Variants in SS18L1 observed in about 807,000 individuals in gnomAD.
SS18L1 encodes the protein SS18L1 subunit of BAF chromatin remodeling complex, also known as calcium-responsive transactivator.
SS18L1 carries 32 observed loss-of-function variants against 70.3 expected under a neutral mutation model. The observed-to-expected ratio is 0.46, with a 90% confidence interval of 0.34 to 0.61. SS18L1 has a LOEUF of 0.61. Among genes scored for constraint, SS18L1 ranks in the 20% least tolerant of loss-of-function variants. The probability of loss-of-function intolerance (pLI) is 0.01; values close to 1 mark genes in which losing one functional copy is unlikely to be tolerated. For synonymous variants in SS18L1, 237 were observed against 229.7 expected (o/e 1.03, Z -0.29); for missense variants, 430 against 542.1 (o/e 0.79, Z 2.05).
Position 62,172,796 on chromosome 20 carries a change from G to A in SS18L1, c.1031G>A (p.Gly344Asp). The change falls in exon 9 of 11, where the codon GGC becomes GAC. Residue 344 changes from glycine to aspartate, a missense_variant. Physicochemically the swap from Gly to Asp is moderately conservative, Grantham distance 94 (BLOSUM62 -1). Coordinates refer to ENST00000331758, the MANE Select transcript of SS18L1 (RefSeq NM_198935.3). ...SQQSYPGQQQ[G>D]YGSAQGAPSQ... ...CAGAGCTACCCCGGGCAGCAGCAGG[G>A]CTACGGTAAGAGGCGAGCACGGTCC... 1.2e-6 allele frequency: 2 copies of A among 1,612,978 alleles called. No individual in the cohort carries two copies. The highest frequency in any genetic ancestry group is 1.7e-6 in the Non-Finnish European group (2 of 1,179,608).
At chr20:62,144,754 G>T (rs564291757) in intron 1 of SS18L1, among the ~76,000 whole-genome samples, 1 of 152,350 alleles carries the variant, frequency 6.6e-6, no homozygotes, top group Non-Finnish European at 1.5e-5. Flanking sequence ...TGTTTTTTCT[G>T]TAGAAGACAG....
In SS18L1 at chr20:62,167,131, C is replaced by T. The variant is rs541888571; in HGVS notation, c.916+1617C>T. On this transcript the variant is annotated intron_variant, in intron 8 of 10. Transcript: ENST00000331758. ...TATGATCTTGGCTCACTGCCACCTCCGCCTCCCAGGTTCAAGCAATTCTCC... is the reference window on the plus strand; with the variant it reads ...TATGATCTTGGCTCACTGCCACCTCTGCCTCCCAGGTTCAAGCAATTCTCC... Among the ~76,000 whole-genome samples the T allele has an allele frequency of 1.1e-4, 16 of 145,360 alleles. 1 individual carries two copies. Among genetic ancestry groups the T allele is most frequent in the East Asian group, 6.6e-4 (3 of 4,532 alleles).
At position 62,179,404 on chromosome 20, in the gene SS18L1, G is replaced by A; in HGVS notation, c.*196G>A. The A allele has an allele frequency of 1.6e-6, 1 of 631,656 alleles. No individual in the cohort carries two copies. The highest frequency in any genetic ancestry group is 1.9e-5 in the South Asian group (1 of 53,286). 39.1% of individuals were successfully genotyped at this position (631,656 alleles called of 1,614,324 possible). On this transcript the variant is annotated 3_prime_UTR_variant, in exon 11 of 11. Coordinates refer to ENST00000331758, the MANE Select transcript of SS18L1 (RefSeq NM_198935.3). Reference sequence around the variant, plus strand: ...CTGGCGTGAGACAGCGCTTGGTGGTGTGATACTTTTGGTGCTGTGTATAGT... The same window carrying A: ...CTGGCGTGAGACAGCGCTTGGTGGTATGATACTTTTGGTGCTGTGTATAGT...
chr20:62,177,488 T>C (rs1462808924), intron 10 of SS18L1, among the ~76,000 whole-genome samples: 3 of 151,760 alleles, frequency 2.0e-5, no homozygotes, highest in Non-Finnish European at 4.4e-5. Flanking sequence ...TCGGTCAGGC[T>C]GGAACAGCTT....
intron 1 of SS18L1, among the ~76,000 whole-genome samples, chr20:62,147,513 T>C (rs1265010353): frequency 6.6e-6 from 1 of 152,222 alleles, no homozygotes; most frequent in Non-Finnish European, 1.5e-5. Context: ...GCCTCTTTGC[T>C]GCTTGGCATG....
At chr20:62,173,646 C>T (rs765771551) in intron 9 of SS18L1, among the ~76,000 whole-genome samples, 6 of 150,848 alleles carry the variant, frequency 4.0e-5, no homozygotes, top group Admixed American at 2.0e-4. Flanking sequence ...AGGTAGAGGT[C>T]GCAGTGAGCC....
At chr20:62,154,384 T>C in intron 1 of SS18L1, 3 of 1,049,684 alleles carry the variant, frequency 2.9e-6, no homozygotes, top group Non-Finnish European at 3.5e-6. Context: ...CCTTCACGCC[T>C]GGTTGCGGTT....
In SS18L1 at chr20:62,146,375, T is replaced by C. The variant is rs184579812; in HGVS notation, c.69+2486T>C. ...TCATCTGTGACGCTGGTCCCATCAG[T>C]GGAAGCGTTTTGAGATAAGCAGATG... On this transcript the variant is annotated intron_variant, in intron 1 of 10. Coordinates refer to ENST00000331758, the MANE Select transcript of SS18L1 (RefSeq NM_198935.3). Among the ~76,000 whole-genome samples, 552 of 152,304 alleles carry C rather than the reference T, an allele frequency of 3.6e-3. 6 individuals carry two copies. The highest frequency in any genetic ancestry group is 0.013 in the African/African-American group (526 of 41,554).
intron 8 of SS18L1, among the ~76,000 whole-genome samples, chr20:62,172,374 A>G (rs950550922): frequency 6.6e-6 from 1 of 151,950 alleles, no homozygotes; most frequent in African/African-American, 2.4e-5. Context: ...ATGTCCAAAT[A>G]AGGTTCCATT....
chr20:62,167,180 G>A (rs1200276347), intron 8 of SS18L1, among the ~76,000 whole-genome samples: 3 of 149,546 alleles, frequency 2.0e-5, no homozygotes, highest in South Asian at 2.1e-4. Context: ...TGAGTAGCTC[G>A]GATTACAGGC....
In SS18L1 at chr20:62,174,457, GAAAA is replaced by G. The variant is rs1185244051; in HGVS notation, c.1037-54_1037-51del. On this transcript the variant is annotated intron_variant, in intron 9 of 10. Coordinates refer to ENST00000331758, the MANE Select transcript of SS18L1 (RefSeq NM_198935.3). The surrounding 1 kb of genome is among the most constrained non-coding windows in gnomAD (Gnocchi z 4.1). ...GTTTTAAAAAAAATTTTTAAGTTAA[GAAAA>G]AAAAAGAAAGAGGTGTCCGTTTTGG... 56 of 1,532,582 alleles carry G rather than the reference GAAAA, an allele frequency of 3.7e-5. No homozygotes were observed. Among genetic ancestry groups the G allele is most frequent in the Admixed American group, 2.2e-4 (10 of 45,306 alleles). The allele number at this position is 1,532,582 out of a possible 1,614,324, so 94.9% of individuals were successfully genotyped here.
intron 1 of SS18L1, among the ~76,000 whole-genome samples, chr20:62,155,550 C>A (rs1003824245): frequency 6.6e-6 from 1 of 152,210 alleles, no homozygotes; most frequent in African/African-American, 2.4e-5. Flanking sequence ...GGATTGGAGG[C>A]CGGGGCACTG....
intron 1 of SS18L1, among the ~76,000 whole-genome samples, chr20:62,154,833 GC>G (rs1176892889): frequency 6.6e-6 from 1 of 152,172 alleles, no homozygotes; most frequent in African/African-American, 2.4e-5. Flanking sequence ...TGTCTCTGGG[GC>G]TCCTGGAGGG....
chr20:62,158,600 A>G lies in SS18L1; in HGVS notation c.70-72A>G. ...CAACCTATATGAAAACTAGATGTGT[A>G]GCGATGGCTGTTCATCCCGAGGGTC... On this transcript the variant is annotated intron_variant, in intron 1 of 10. Coordinates refer to ENST00000331758, the MANE Select transcript of SS18L1 (RefSeq NM_198935.3). The surrounding 1 kb of genome is among the most constrained non-coding windows in gnomAD (Gnocchi z 4.5). The G allele has an allele frequency of 7.6e-6, 12 of 1,572,532 alleles. No individual in the cohort carries two copies. The highest frequency in any genetic ancestry group is 1.0e-5 in the Non-Finnish European group (12 of 1,162,488).
intron 7 of SS18L1, among the ~76,000 whole-genome samples, chr20:62,165,071 C>T (rs1601030046): frequency 6.6e-6 from 1 of 152,172 alleles, no homozygotes; most frequent in Non-Finnish European, 1.5e-5. Flanking sequence ...GCGAAGGCCT[C>T]GGTAAGGGTT....
At chr20:62,147,420 G>A (rs1423782596) in intron 1 of SS18L1, among the ~76,000 whole-genome samples, 5 of 152,182 alleles carry the variant, frequency 3.3e-5, no homozygotes, top group African/African-American at 9.6e-5. Context: ...TGTCCAGTGC[G>A]TGCTCCTTAC....
chr20:62,154,094 G>C (rs543965104), intron 1 of SS18L1, among the ~76,000 whole-genome samples: 1 of 152,182 alleles, frequency 6.6e-6, no homozygotes, highest in African/African-American at 2.4e-5. Context: ...ACATGACGCC[G>C]TACAAAGATT....
chr20:62,159,791 T>G lies in SS18L1; in HGVS notation c.147-86T>G. On this transcript the variant is annotated intron_variant, in intron 2 of 10. Coordinates refer to ENST00000331758, the MANE Select transcript of SS18L1 (RefSeq NM_198935.3). The surrounding 1 kb of genome is among the most constrained non-coding windows in gnomAD (Gnocchi z 4.4). ...GGGTTTGGCTGGATGTCAGGCTGTC[T>G]TGTTCACACTTTACTTCTGCCTTGG... 7.5e-7 allele frequency: 1 copy of G among 1,325,028 alleles called. No homozygotes were observed. The highest frequency in any genetic ancestry group is 1.0e-6 in the Non-Finnish European group (1 of 956,144). 82.1% of individuals were successfully genotyped at this position (1,325,028 alleles called of 1,614,324 possible).
At chr20:62,151,704 G>A (rs912776912) in intron 1 of SS18L1, among the ~76,000 whole-genome samples, 1 of 152,222 alleles carries the variant, frequency 6.6e-6, no homozygotes, top group Non-Finnish European at 1.5e-5. Flanking sequence ...ACCCAGCCGC[G>A]TTGGGATCTT....
Sources: gnomAD v4.1 joint callset for allele counts (sites outside exome capture counted in the v4.1 genomes callset) on GRCh38, gnomAD v4.1.1 for gene constraint, Gnocchi (gnomAD v3.1) non-coding constraint, MANE v1.5 for transcripts, NCBI Gene and HGNC (gene_info 2026-07-23, HGNC 2026-07-21) for gene names.